USP4: variants seen among roughly 807,000 people sequenced by gnomAD.
USP4 encodes the protein ubiquitin specific peptidase 4.
A neutral mutation model predicts 118.2 loss-of-function variants in USP4; 72 were observed. The observed-to-expected ratio is 0.61, with a 90% CI of 0.50 to 0.74. USP4 has a LOEUF of 0.74. Ranked by LOEUF, USP4 falls within the 30% of genes least tolerant of loss-of-function variation. The pLI, the probability that USP4 is intolerant of heterozygous loss-of-function variation, is 0.00. For synonymous variants in USP4, 415 were observed against 440.4 expected (o/e 0.94, Z 0.72); for missense variants, 1,037 against 1,185.7 (o/e 0.87, Z 1.84).
chr3:49,284,991 G>A, intron 16 of USP4, 72 bp from the exon 17 acceptor site: 2 of 1,209,184 alleles, frequency 1.7e-6, no homozygotes, highest in Non-Finnish European at 2.4e-6. Flanking sequence ...TGACAGGAGT[G>A]AGAAGGACCA....
intron 13 of USP4, among the ~76,000 whole-genome samples, chr3:49,297,615 T>C (rs574961356): frequency 6.6e-6 from 1 of 152,226 alleles, no homozygotes; most frequent in East Asian, 1.9e-4. Flanking sequence ...GCCTTCTTCA[T>C]AGGCAAAACT....
intron 20 of USP4, among the ~76,000 whole-genome samples, 195 bp downstream of exon 20, chr3:49,280,549 G>A (rs2047010441): frequency 7.6e-6 from 1 of 131,540 alleles, no homozygotes; most frequent in Non-Finnish European, 1.6e-5. Context: ...GACATAACGA[G>A]ACTCCGTCTC....
intron 19 of USP4, among the ~76,000 whole-genome samples, chr3:49,281,549 T>TACAC (rs1240970384): frequency 2.7e-5 from 4 of 147,502 alleles, no homozygotes; most frequent in African/African-American, 1.0e-4. Context: ...CATTTATATA[T>TACAC]ACACACACAC....
intron 16 of USP4, among the ~76,000 whole-genome samples, chr3:49,285,319 AC>A (rs1169660476): frequency 6.6e-6 from 1 of 151,632 alleles, no homozygotes; most frequent in Admixed American, 6.6e-5. Flanking sequence ...AAAAAAAGAG[AC>A]CCCTACATCG....
intron 20 of USP4, 68 bp downstream of exon 20, chr3:49,280,676 T>G: frequency 7.6e-7 from 1 of 1,321,430 alleles, no homozygotes; most frequent in Non-Finnish European, 1.1e-6. Flanking sequence ...CAATGCCTGG[T>G]CCACTGGTGA....
intron 8 of USP4, among the ~76,000 whole-genome samples, chr3:49,309,772 G>A (rs934153295): frequency 2.0e-5 from 3 of 150,726 alleles, no homozygotes; most frequent in East Asian, 1.9e-4. Context: ...GATTACAGGC[G>A]TGTGCCACCA....
At chr3:49,299,829 C>T (rs2047246975) in intron 11 of USP4, among the ~76,000 whole-genome samples, 1 of 152,160 alleles carries the variant, frequency 6.6e-6, no homozygotes, top group African/African-American at 2.4e-5. Context: ...TACAGGCTGT[C>T]CTAGGTTATG....
rs2046972520 is a variant in USP4 at position 49,277,225 on chromosome 3, A to T, written c.*1068T>A. On this transcript the variant is annotated 3_prime_UTR_variant, in exon 22 of 22. Coordinates refer to ENST00000265560, the MANE Select transcript of USP4 (RefSeq NM_003363.4). ...CGCCGACCCATCCAACGGTCATCGCATGCGCGTGCCCCGCGCAGGCCCCAA... is the reference window on the plus strand; with the variant it reads ...CGCCGACCCATCCAACGGTCATCGCTTGCGCGTGCCCCGCGCAGGCCCCAA... 7.6e-7 allele frequency: 1 copy of T among 1,321,312 alleles called. No homozygotes were observed. The highest frequency in any genetic ancestry group is 1.5e-5 in the African/African-American group (1 of 67,182). The allele number at this position is 1,321,312 out of a possible 1,614,324, so 81.8% of individuals were successfully genotyped here.
At position 49,295,288 on chromosome 3, in the gene USP4, C is replaced by CAAAAAAAAAAAAAAAAAAAAAAAAA. The variant is rs34296887; in HGVS notation, c.1692-715_1692-691dup. ...TGGGCAACAGAGCGAGACTCCATCT[C>CAAAAAAAAAAAAAAAAAAAAAAAAA]AAAAAAAAAAAAAAAAAAAAAAAAA... On this transcript the variant is annotated intron_variant, in intron 13 of 21. Coordinates refer to ENST00000265560, the MANE Select transcript of USP4 (RefSeq NM_003363.4). Among the ~76,000 whole-genome samples, 6 of 11,944 alleles carry CAAAAAAAAAAAAAAAAAAAAAAAAA rather than the reference C, an allele frequency of 5.0e-4. 1 individual carries two copies. The highest frequency in any genetic ancestry group is 9.9e-4 in the Admixed American group (1 of 1,010). The allele number at this position is 11,944 out of a possible 152,430, so 7.8% of individuals were successfully genotyped here. A position where few individuals can be genotyped will look rare whatever the true frequency, so the allele number is the denominator to read the frequency against.
chr3:49,298,754 T>C, intron 11 of USP4, 119 bp from the exon 12 acceptor site: 2 of 867,626 alleles, frequency 2.3e-6, no homozygotes, highest in South Asian at 2.8e-5. Flanking sequence ...TATGGTGAGG[T>C]CAGGGTACAG....
intron 1 of USP4, among the ~76,000 whole-genome samples, chr3:49,339,504 C>T (rs1575627076): frequency 6.6e-6 from 1 of 152,352 alleles, no homozygotes; most frequent in East Asian, 1.9e-4. Flanking sequence ...AAAGTATCTA[C>T]TTCTGATTTT....
At chr3:49,310,305 C>T (rs1365529348) in intron 8 of USP4, among the ~76,000 whole-genome samples, 1 of 152,166 alleles carries the variant, frequency 6.6e-6, no homozygotes, top group African/African-American at 2.4e-5. Context: ...GTAAGTTTTC[C>T]TCATCCCATC....
rs779271155 is a variant in USP4, at chr3:49,294,504, A to G, written c.1786T>C (p.Ser596Pro). 1 of 1,614,198 alleles carries G rather than the reference A, an allele frequency of 6.2e-7. No individual in the cohort carries two copies. Among genetic ancestry groups the G allele is most frequent in the Non-Finnish European group, 8.5e-7 (1 of 1,180,022 alleles). The change falls in exon 14 of 22, where the codon TCC becomes CCC. Residue 596 changes from serine (S) to proline (P), a missense_variant. This residue lies in a region of USP4 where 522 missense variants were observed against 592.6 expected (regional missense o/e 0.88). Transcript: ENST00000265560. ...GGCTGCCCATATAGCGCTGATGCGG[A>G]GGAAGTGCTTGATGGCCTGGACTTC... ...ERKSRPSSTS[S>P]ASALYGQPLL...
chr3:49,298,706 G>T, intron 11 of USP4, 71 bp from the exon 12 acceptor site: 2 of 1,342,192 alleles, frequency 1.5e-6, no homozygotes, highest in Non-Finnish European at 1.1e-6. Flanking sequence ...GGAGAAGCAG[G>T]CATCACTAGG....
chr3:49,319,424 T>G (rs531108951), intron 6 of USP4, among the ~76,000 whole-genome samples: 1 of 151,080 alleles, frequency 6.6e-6, no homozygotes, highest in Admixed American at 6.6e-5. Flanking sequence ...AATTTTTTTG[T>G]ATTTTTAGTA....
At chr3:49,305,567 T>C in intron 9 of USP4, 148 bp downstream of exon 9, 2 of 585,222 alleles carry the variant, frequency 3.4e-6, no homozygotes, top group Non-Finnish European at 5.4e-6. Context: ...TGAAACATTT[T>C]AGATTTTGGA....
At chr3:49,287,780 A>G (rs963394962) in intron 15 of USP4, among the ~76,000 whole-genome samples, 4 of 152,064 alleles carry the variant, frequency 2.6e-5, no homozygotes, top group Non-Finnish European at 5.9e-5. Context: ...CTATTTTCAA[A>G]TATTATAATA....
chr3:49,288,568 G>A (rs917547401), intron 15 of USP4, among the ~76,000 whole-genome samples: 25 of 152,196 alleles, frequency 1.6e-4, no homozygotes, highest in South Asian at 1.2e-3. Context: ...CCAGCTACTC[G>A]GGAGGCTGAG....
In USP4 at chr3:49,325,783, C is replaced by T. The variant is rs769590132; in HGVS notation, c.423G>A (p.Lys141=). The change falls in exon 4 of 22, where the codon AAG becomes AAA. Residue 141 remains lysine (K), a synonymous_variant. Transcript: ENST00000265560. ...TGGTGGGGTCACTGTTCTCACAGAG[C>T]TTCAGTTCCAGCAAATACACCTCGA... is the stretch of plus-strand genomic sequence containing the variant. ...CKVEVYLLEL[K]LCENSDPTNV... 8 of 1,614,030 alleles carry T rather than the reference C, an allele frequency of 5.0e-6. No homozygotes were observed. The highest frequency in any genetic ancestry group is 5.9e-6 in the Non-Finnish European group (7 of 1,179,964).
Sources: gnomAD v4.1 joint callset for allele counts (sites outside exome capture counted in the v4.1 genomes callset) on GRCh38, gnomAD v4.1.1 for gene constraint, gnomAD v4.1.1 regional missense constraint, MANE v1.5 for transcripts, NCBI Gene and HGNC (gene_info 2026-07-23, HGNC 2026-07-21) for gene names.